Variants in PDCD11 observed in about 807,000 individuals in gnomAD.
The protein encoded by PDCD11 is protein RRP5 homolog.
A neutral mutation model predicts 198.9 loss-of-function variants in PDCD11; 97 were observed. The ratio of observed to expected loss-of-function variants is 0.49; its 90% CI spans 0.41 to 0.58. The LOEUF is 0.58. Among genes scored for constraint, PDCD11 ranks in the 20% least tolerant of loss-of-function variants. The pLI, the probability that PDCD11 is intolerant of heterozygous loss-of-function variation, is 0.00. For synonymous variants in PDCD11, 893 were observed against 918.0 expected, an observed-to-expected ratio of 0.97 and a Z score of 0.49; for missense variants, 2,102 against 2,312.7, an observed-to-expected ratio of 0.91 and a Z score of 1.87.
At chr10:103,403,826 T>C (rs2030270590) in intron 4 of PDCD11, among the ~76,000 whole-genome samples, 1 of 152,146 alleles carries the variant, frequency 6.6e-6, no homozygotes, top group African/African-American at 2.4e-5. Context: ...TCCTGAGGAC[T>C]GAGGAGGCAA....
At position 103,419,816 on chromosome 10, in the gene PDCD11, G is replaced by A. The variant is rs538880095; in HGVS notation, c.2277+108G>A. Reference sequence around the variant, plus strand: ...CTTTATTCCTTTTTTTTTTGAGACAGTCTTGTTCTGTCGCCCAGGCTGGCT... The same window carrying A: ...CTTTATTCCTTTTTTTTTTGAGACAATCTTGTTCTGTCGCCCAGGCTGGCT... On this transcript the variant is annotated intron_variant, in intron 16 of 35. Transcript: ENST00000369797. 3 of 947,868 alleles carry A rather than the reference G, an allele frequency of 3.2e-6. No individual in the cohort carries two copies. In the East Asian group the frequency reaches 8.2e-5, roughly 26 times the overall value. The allele number at this position is 947,868 out of a possible 1,614,324, so 58.7% of individuals were successfully genotyped here.
At chr10:103,405,374 T>C (rs2030383773) in intron 5 of PDCD11, 191 bp downstream of exon 5, 1 of 497,596 alleles carries the variant, frequency 2.0e-6, no homozygotes, top group African/African-American at 2.0e-5. Flanking sequence ...AATCATTACA[T>C]TGGAGAAGAG....
chr10:103,407,732 T>C (rs2030546066), intron 7 of PDCD11, among the ~76,000 whole-genome samples: 1 of 151,992 alleles, frequency 6.6e-6, no homozygotes, highest in Non-Finnish European at 1.5e-5. Flanking sequence ...TTTCTTTTTT[T>C]TTTTGAGACG....
chr10:103,444,462 T>C, intron 34 of PDCD11, 55 bp from the exon 35 acceptor site: 1 of 1,528,432 alleles, frequency 6.5e-7, no homozygotes, highest in Non-Finnish European at 9.1e-7. Flanking sequence ...GAACACTGTG[T>C]TGTGGTGAGG....
At position 103,425,249 on chromosome 10, in the gene PDCD11, C is replaced by CT; in HGVS notation, c.3030dup (p.Glu1011Ter). The CT allele has an allele frequency of 6.2e-7, 1 of 1,614,126 alleles. No individual in the cohort carries two copies. Among genetic ancestry groups the CT allele is most frequent in the Non-Finnish European group, 8.5e-7 (1 of 1,180,034 alleles). On this transcript the variant is annotated frameshift_variant, in exon 20 of 36. Transcript: ENST00000369797. LOFTEE classifies it high-confidence loss of function. ...ACCATGAGGCCGACCCAGAAGGACTCTGAGACAGTTGATGAGGATGAAGAA... is the reference window on the plus strand; with the variant it reads ...ACCATGAGGCCGACCCAGAAGGACTCTTGAGACAGTTGATGAGGATGAAGAA...
chr10:103,431,982 C>G (rs1160784929), intron 21 of PDCD11, 147 bp from the exon 22 acceptor site: 4 of 598,472 alleles, frequency 6.7e-6, no homozygotes, highest in Admixed American at 5.3e-5. Flanking sequence ...TGGACATTCC[C>G]CTTTGAGGAG....
rs749191445 is a variant in PDCD11 at position 103,403,285 on chromosome 10, G to T, written c.402G>T (p.Lys134Asn). The T allele has an allele frequency of 7.5e-6, 12 of 1,608,952 alleles. No individual in the cohort carries two copies. In the African/African-American group the frequency reaches 1.2e-4, roughly 16 times the overall value. ...NEQVTQEQPL[K>N]DLLHLPELFS... Reference sequence around the variant, plus strand: ...AGGTGACACAAGAACAACCTCTGAAGGTAAGGGAAATCCGAATGAAGCCTG... The same window carrying T: ...AGGTGACACAAGAACAACCTCTGAATGTAAGGGAAATCCGAATGAAGCCTG... The change falls in exon 4 of 36, where the codon AAG becomes AAT. Residue 134 changes from lysine to asparagine, a missense_variant and splice_region_variant. By Grantham distance (94) the Lys-to-Asn change is moderately conservative. Coordinates refer to ENST00000369797, the MANE Select transcript of PDCD11 (RefSeq NM_014976.2).
At chr10:103,427,270 C>A in intron 20 of PDCD11, 59 bp from the exon 21 acceptor site, 1 of 1,476,894 alleles carries the variant, frequency 6.8e-7, no homozygotes, top group Non-Finnish European at 9.5e-7. Context: ...AAATCCTGAC[C>A]TACAGATTAC....
chr10:103,427,183 GAC>G, intron 20 of PDCD11, 144 bp from the exon 21 acceptor site: 2 of 717,586 alleles, frequency 2.8e-6, no homozygotes, highest in Non-Finnish European at 5.0e-6. Context: ...CCTTCAGCCT[GAC>G]ACATCTGTCT....
chr10:103,420,702 T>C (rs2031372700), intron 16 of PDCD11, among the ~76,000 whole-genome samples: 1 of 152,068 alleles, frequency 6.6e-6, no homozygotes, highest in Non-Finnish European at 1.5e-5. Context: ...ATTTTAAAAA[T>C]GGGAGCAGAG....
At chr10:103,409,515 A>C (rs2030664901) in intron 7 of PDCD11, among the ~76,000 whole-genome samples, 184 bp from the exon 8 acceptor site, 1 of 152,184 alleles carries the variant, frequency 6.6e-6, no homozygotes, top group Non-Finnish European at 1.5e-5. Context: ...GGAAAGAAAC[A>C]GCCAGTGCAG....
intron 25 of PDCD11, among the ~76,000 whole-genome samples, chr10:103,437,192 A>C (rs1564776096): frequency 1.3e-5 from 2 of 152,118 alleles, no homozygotes; most frequent in African/African-American, 4.8e-5. Context: ...CCCAGGCTAG[A>C]GGGCAGTGGT....
At chr10:103,401,988 C>T (rs1215574895) in intron 3 of PDCD11, among the ~76,000 whole-genome samples, 1 of 151,796 alleles carries the variant, frequency 6.6e-6, no homozygotes, top group African/African-American at 2.4e-5. Flanking sequence ...GTAATCTGCC[C>T]GCCTCCGCCT....
Position 103,405,117 on chromosome 10 carries a change from C to T in PDCD11, c.498C>T (p.Val166=). 1 of 1,614,108 alleles carries T rather than the reference C, an allele frequency of 6.2e-7. No individual in the cohort carries two copies. Among genetic ancestry groups the T allele is most frequent in the Non-Finnish European group, 8.5e-7 (1 of 1,179,992 alleles). Residue 166 remains valine, a synonymous_variant, in exon 5 of 36, where the codon GTC becomes GTT. Coordinates refer to ENST00000369797, the MANE Select transcript of PDCD11 (RefSeq NM_014976.2). ...LGITDRGKKS[V]KLSLNPKNVN... ...TCACAGACAGGGGCAAGAAGAGTGT[C>T]AAGCTGTCTCTGAACCCCAAAAATG...
chr10:103,398,526 G>C lies in PDCD11; in HGVS notation c.100G>C (p.Asp34His), dbSNP rs1234949358. Reference sequence around the variant, plus strand: ...GTCAGTTGAACAAGACAACTTATTTGATGTAAGTAGTATGCTTGTTTGGTG... The same window carrying C: ...GTCAGTTGAACAAGACAACTTATTTCATGTAAGTAGTATGCTTGTTTGGTG... ...QQSVEQDNLF[D>H]ISTEEGSTKR... Residue 34 changes from aspartate (D) to histidine (H), a missense_variant and splice_region_variant, in exon 2 of 36, where the codon GAT (aspartate) becomes CAT (histidine). Coordinates refer to ENST00000369797, the MANE Select transcript of PDCD11 (RefSeq NM_014976.2). 1.3e-6 allele frequency: 2 copies of C among 1,591,786 alleles called. No individual in the cohort carries two copies. The highest frequency in any genetic ancestry group is 1.7e-6 in the Non-Finnish European group (2 of 1,159,544).
chr10:103,398,186 A>G (rs1224059982), intron 1 of PDCD11, among the ~76,000 whole-genome samples: 2 of 152,234 alleles, frequency 1.3e-5, no homozygotes, highest in East Asian at 1.9e-4. Context: ...CATTGAATCT[A>G]TAACTTCTTT....
At chr10:103,399,917 C>G (rs940955715) in intron 2 of PDCD11, 3 of 152,360 alleles carry the variant, frequency 2.0e-5, no homozygotes, top group African/African-American at 7.2e-5. Flanking sequence ...TCTTGAACTC[C>G]TAATCTCAAG....
At chr10:103,416,432 C>T (rs1432886879) in intron 12 of PDCD11, 59 bp from the exon 13 acceptor site, 2 of 1,583,318 alleles carry the variant, frequency 1.3e-6, no homozygotes, top group African/African-American at 2.7e-5. Flanking sequence ...TTGCAGAGAC[C>T]AGCTCAGTGG....
intron 32 of PDCD11, 123 bp downstream of exon 32, chr10:103,442,583 C>T: frequency 9.9e-7 from 1 of 1,010,030 alleles, no homozygotes. Flanking sequence ...CACCAGGGGC[C>T]CATGGGTCCT....
Sources: allele counts gnomAD v4.1 joint callset (sites outside exome capture counted in the v4.1 genomes callset), GRCh38; gene constraint gnomAD v4.1.1; transcripts MANE v1.5; gene names NCBI Gene and HGNC (gene_info 2026-07-23, HGNC 2026-07-21).